SCAF8: variants seen among roughly 807,000 people sequenced by gnomAD.
SCAF8 encodes the protein SR-related and CTD-associated factor 8.
SCAF8 carries 23 observed loss-of-function variants against 140.5 expected under a neutral mutation model. The ratio of observed to expected loss-of-function variants is 0.16; its 90% CI spans 0.12 to 0.23. SCAF8 has a LOEUF of 0.23. SCAF8 is among the 10% of genes least tolerant of loss of function. The pLI, the probability that SCAF8 is intolerant of heterozygous loss-of-function variation, is 1.00. For synonymous variants in SCAF8, 575 were observed against 528.9 expected, an observed-to-expected ratio of 1.09 and a Z score of -1.20; for missense variants, 1,397 against 1,555.7, an observed-to-expected ratio of 0.90 and a Z score of 1.72.
intron 5 of SCAF8, 106 bp from the exon 6 acceptor site, chr6:154,794,903 G>A: frequency 1.0e-6 from 1 of 982,156 alleles, no homozygotes; most frequent in Non-Finnish European, 1.5e-6. Flanking sequence ...AAAACAATAT[G>A]CGTGCATGTG....
chr6:154,815,686 T>G, intron 12 of SCAF8, 30 bp from the exon 13 acceptor site: 3 of 1,257,056 alleles, frequency 2.4e-6, no homozygotes, highest in Non-Finnish European at 3.5e-6. Flanking sequence ...TCTAAATGAT[T>G]TAGGTCATTT....
At chr6:154,788,146 C>T (rs1777307781) in intron 4 of SCAF8, 124 bp downstream of exon 4, 15 of 772,164 alleles carry the variant, frequency 1.9e-5, no homozygotes, top group East Asian at 1.0e-4. Context: ...AATGACAGAC[C>T]GCATATACAG....
At chr6:154,817,725 T>A (rs1295563060) in intron 13 of SCAF8, among the ~76,000 whole-genome samples, 2 of 152,230 alleles carry the variant, frequency 1.3e-5, no homozygotes, top group Non-Finnish European at 2.9e-5. Context: ...ATAACAGATA[T>A]GGCTTATTAG....
chr6:154,820,795 C>G (rs1056757278), intron 15 of SCAF8, among the ~76,000 whole-genome samples: 21 of 151,900 alleles, frequency 1.4e-4, no homozygotes, highest in African/African-American at 5.1e-4. Context: ...TTTACAATAC[C>G]AAATAATCAT....
chr6:154,770,606 A>G (rs1196443827), intron 1 of SCAF8, among the ~76,000 whole-genome samples: 1 of 152,106 alleles, frequency 6.6e-6, no homozygotes, highest in Non-Finnish European at 1.5e-5. Flanking sequence ...CTTAGAAAGT[A>G]TGTGATGGGA....
At chr6:154,784,155 A>ATATATTTATATT (rs1408182952) in intron 3 of SCAF8, among the ~76,000 whole-genome samples, 1 of 91,998 alleles carries the variant, frequency 1.1e-5, no homozygotes, top group South Asian at 3.8e-4. Context: ...ATATATATAT[A>ATATATTTATATT]TATTTATTTA....
rs562051247 is a variant in SCAF8, at chr6:154,744,145, T to C, written c.30+10215T>C. On this transcript the variant is annotated intron_variant, in intron 1 of 19. Transcript: ENST00000367178. ...CTGTCTCTACTAAAAATATAAAAAT[T>C]AGCCAGGCGTGGTGGCGTGCACCTG... Among the ~76,000 whole-genome samples the C allele has an allele frequency of 4.6e-5, 7 of 152,206 alleles. No individual in the cohort carries two copies. In the East Asian group the frequency reaches 1.2e-3, roughly 25 times the overall value.
intron 18 of SCAF8, among the ~76,000 whole-genome samples, chr6:154,829,616 T>G (rs1778670648): frequency 6.6e-6 from 1 of 152,170 alleles, no homozygotes; most frequent in African/African-American, 2.4e-5. Context: ...TTACATAGCT[T>G]TAAAATTTGG....
Position 154,775,552 on chromosome 6 carries a change from G to A in SCAF8, c.114+1480G>A, listed in dbSNP as rs1776892771. 2.0e-5 allele frequency among the ~76,000 whole-genome samples: 3 copies of A among 152,156 alleles called. No individual in the cohort carries two copies. In the South Asian group the frequency reaches 6.2e-4, roughly 31 times the overall value. ...GTCAGACGGGTCTGAGAGAAATTAA[G>A]TAATTTGCAGTAGTAGGAGTAAATA... On this transcript the variant is annotated intron_variant, in intron 2 of 19. Coordinates refer to ENST00000367178, the MANE Select transcript of SCAF8 (RefSeq NM_014892.5).
rs1778773335 is a variant in SCAF8 at position 154,832,425 on chromosome 6, A to AACGGGGAATCCCACCCCC, written c.2848_2865dup (p.Arg950_Pro955dup). 1 of 1,613,996 alleles carries AACGGGGAATCCCACCCCC rather than the reference A, an allele frequency of 6.2e-7. No homozygotes were observed. Among genetic ancestry groups the AACGGGGAATCCCACCCCC allele is most frequent in the Non-Finnish European group, 8.5e-7 (1 of 1,180,018 alleles). On this transcript the variant is annotated inframe_insertion, in exon 20 of 20. Transcript: ENST00000367178. Reference sequence around the variant, plus strand: ...TTAATACAGCCTGGAATTCCACCCCAACGGGGAATCCCACCCCCATCGGTA... The same window carrying AACGGGGAATCCCACCCCC: ...TTAATACAGCCTGGAATTCCACCCCAACGGGGAATCCCACCCCCACGGGGAATCCCACCCCCATCGGTA...
At chr6:154,819,707 A>C (rs1248683173) in intron 14 of SCAF8, among the ~76,000 whole-genome samples, 2 of 152,214 alleles carry the variant, frequency 1.3e-5, no homozygotes, top group Non-Finnish European at 2.9e-5. Context: ...TACAAAAAGA[A>C]GTGGAAATCC....
intron 3 of SCAF8, among the ~76,000 whole-genome samples, chr6:154,778,899 A>T (rs1014529034): frequency 1.3e-5 from 2 of 152,148 alleles, no homozygotes; most frequent in Non-Finnish European, 2.9e-5. Flanking sequence ...TGTTTCACTT[A>T]AAGTTTAAAA....
chr6:154,759,921 G>A (rs924912750), intron 1 of SCAF8, among the ~76,000 whole-genome samples: 1 of 151,974 alleles, frequency 6.6e-6, no homozygotes, highest in Non-Finnish European at 1.5e-5. Context: ...CTCCCACCTC[G>A]GCCTCCCAAA....
At chr6:154,749,092 G>A (rs73010918) in intron 1 of SCAF8, among the ~76,000 whole-genome samples, 2,553 of 152,154 alleles carry the variant, frequency 0.017, 27 homozygotes, top group Non-Finnish European at 0.023. Context: ...TGGGCATGGC[G>A]CCACCATCCT....
chr6:154,827,176 C>T lies in SCAF8; in HGVS notation c.2076C>T (p.Phe692=), dbSNP rs763108395. The T allele has an allele frequency of 1.9e-6, 3 of 1,599,908 alleles. No individual in the cohort carries two copies. The African/African-American group carries it at 4.1e-5, about 22-fold the overall frequency. Residue 692 remains phenylalanine, a synonymous_variant, in exon 18 of 20, where the codon TTC becomes TTT. Coordinates refer to ENST00000367178, the MANE Select transcript of SCAF8 (RefSeq NM_014892.5). ...SFNPSQPPPG[F]MPPPVPPPVV... ...GGGGTTTTTTTTTCTGTCTAGGTTTCATGCCGCCTCCAGTTCCCCCACCTG... is the reference window on the plus strand; with the variant it reads ...GGGGTTTTTTTTTCTGTCTAGGTTTTATGCCGCCTCCAGTTCCCCCACCTG...
intron 2 of SCAF8, among the ~76,000 whole-genome samples, chr6:154,775,301 G>T (rs1776885463): frequency 6.6e-6 from 1 of 152,122 alleles, no homozygotes; most frequent in South Asian, 2.1e-4. Flanking sequence ...TCAAAGACAT[G>T]ATTATTTAGA....
At chr6:154,754,224 T>C (rs1425122503) in intron 1 of SCAF8, among the ~76,000 whole-genome samples, 1 of 152,240 alleles carries the variant, frequency 6.6e-6, no homozygotes, top group Non-Finnish European at 1.5e-5. Context: ...TAATTCATGC[T>C]TAAAATTCAT....
intron 4 of SCAF8, among the ~76,000 whole-genome samples, chr6:154,791,647 T>TC (rs1554261379): frequency 1.3e-5 from 2 of 151,896 alleles, no homozygotes; most frequent in African/African-American, 4.8e-5. Context: ...TTTGTTTTTT[T>TC]AAAAAATGTG....
At chr6:154,754,830 T>C (rs1778924007) in intron 1 of SCAF8, among the ~76,000 whole-genome samples, 1 of 152,216 alleles carries the variant, frequency 6.6e-6, no homozygotes, top group South Asian at 2.1e-4. Flanking sequence ...ATTACTTGTA[T>C]TTTTTAATTT....
Sources: gnomAD v4.1 joint callset for allele counts (sites outside exome capture counted in the v4.1 genomes callset) on GRCh38, gnomAD v4.1.1 for gene constraint, MANE v1.5 for transcripts, NCBI Gene and HGNC (gene_info 2026-07-23, HGNC 2026-07-21) for gene names.